CHRM3: variants seen among roughly 807,000 people sequenced by gnomAD.
The protein encoded by CHRM3 is muscarinic acetylcholine receptor M3.
A neutral mutation model predicts 41.8 loss-of-function variants in CHRM3; 11 were observed. The ratio of observed to expected loss-of-function variants is 0.26; its 90% CI spans 0.17 to 0.44. The LOEUF is 0.44. Among genes scored for constraint, CHRM3 ranks in the 20% least tolerant of loss-of-function variants. The probability of loss-of-function intolerance (pLI) is 1.00; values close to 1 mark genes in which losing one functional copy is unlikely to be tolerated. For missense variants in CHRM3, 571 were observed against 745.4 expected, an observed-to-expected ratio of 0.77 and a Z score of 2.72; for synonymous variants, 297 against 301.4, an observed-to-expected ratio of 0.99 and a Z score of 0.15.
At chr1:239,619,916 G>A (rs894429788) in intron 3 of CHRM3, among the ~76,000 whole-genome samples, 4 of 152,106 alleles carry the variant, frequency 2.6e-5, no homozygotes, top group Non-Finnish European at 4.4e-5. Flanking sequence ...AAGGTTACCT[G>A]AAGAAAAGGG....
intron 1 of CHRM3, among the ~76,000 whole-genome samples, chr1:239,443,806 A>G (rs1390383465): frequency 6.6e-6 from 1 of 152,212 alleles, no homozygotes; most frequent in Non-Finnish European, 1.5e-5. Flanking sequence ...TGAAGGGTAG[A>G]TATATCCAAA....
intron 1 of CHRM3, among the ~76,000 whole-genome samples, chr1:239,433,484 T>TTTA (rs1662987738): frequency 6.6e-6 from 1 of 152,164 alleles, no homozygotes; most frequent in Non-Finnish European, 1.5e-5. Context: ...TTGCATAGGT[T>TTTA]TTTGGGGAAC....
At chr1:239,418,172 A>C (rs950242845) in intron 1 of CHRM3, among the ~76,000 whole-genome samples, 1 of 152,228 alleles carries the variant, frequency 6.6e-6, no homozygotes. Context: ...GTCAGATAGC[A>C]TGTGGCCTTC....
intron 1 of CHRM3, among the ~76,000 whole-genome samples, chr1:239,459,887 G>A (rs1237255132): frequency 1.3e-5 from 2 of 152,142 alleles, no homozygotes; most frequent in African/African-American, 4.8e-5. Context: ...TCTCCTAAAA[G>A]TTGTCAACAT....
rs78858039 is a variant in CHRM3 at position 239,909,643 on chromosome 1, A to G, written c.*419A>G. On this transcript the variant is annotated 3_prime_UTR_variant, in exon 7 of 7. Coordinates refer to ENST00000676153, the MANE Select transcript of CHRM3 (RefSeq NM_001375978.1). ...TCCCAAAAGTGGGAATCCAGACCCC[A>G]AGTGGAACACTGCAGGCTTACGAAT... The G allele has an allele frequency of 0.024, 4,266 of 175,706 alleles. 211 individuals carry two copies. The highest frequency in any genetic ancestry group is 0.097 in the African/African-American group (4,056 of 41,644). 10.9% of individuals were successfully genotyped at this position (175,706 alleles called of 1,614,324 possible).
At chr1:239,906,537 C>T (rs1327214095) in intron 6 of CHRM3, among the ~76,000 whole-genome samples, 3 of 151,948 alleles carry the variant, frequency 2.0e-5, no homozygotes, top group Non-Finnish European at 2.9e-5. Context: ...AACAGTGACA[C>T]CAAGGAGGTC....
At chr1:239,635,945 G>A (rs1168353418) in intron 4 of CHRM3, among the ~76,000 whole-genome samples, 3 of 151,972 alleles carry the variant, frequency 2.0e-5, no homozygotes, top group African/African-American at 7.3e-5. Flanking sequence ...GCTTAGATGG[G>A]AAGAAAAAGA....
chr1:239,694,156 T>C (rs1659964854), intron 5 of CHRM3, among the ~76,000 whole-genome samples: 1 of 152,188 alleles, frequency 6.6e-6, no homozygotes. Flanking sequence ...AGTTAGAGCA[T>C]ATTTACATAT....
At chr1:239,416,936 T>C (rs1436763515) in intron 1 of CHRM3, among the ~76,000 whole-genome samples, 1 of 152,166 alleles carries the variant, frequency 6.6e-6, no homozygotes, top group Admixed American at 6.5e-5. Flanking sequence ...AGATGGCCTG[T>C]CAGTTTCATG....
chr1:239,783,603 G>T (rs1668667883), intron 5 of CHRM3, among the ~76,000 whole-genome samples: 1 of 152,152 alleles, frequency 6.6e-6, no homozygotes, highest in South Asian at 2.1e-4. Context: ...TCTAAAGTCT[G>T]AAATGAACAG....
intron 3 of CHRM3, among the ~76,000 whole-genome samples, chr1:239,553,775 G>A (rs989937613): frequency 5.3e-5 from 8 of 151,990 alleles, no homozygotes; most frequent in South Asian, 2.1e-4. Context: ...TATAATTACC[G>A]GTGTTCTATT....
chr1:239,393,053 G>A (rs73114747), intron 1 of CHRM3, among the ~76,000 whole-genome samples: 3,955 of 152,144 alleles, frequency 0.026, 167 homozygotes, highest in African/African-American at 0.087. Flanking sequence ...CCAGGTACTC[G>A]GGAGGCTAAG....
At chr1:239,695,697 A>G (rs1660119737) in intron 5 of CHRM3, among the ~76,000 whole-genome samples, 1 of 152,086 alleles carries the variant, frequency 6.6e-6, no homozygotes, top group Admixed American at 6.5e-5. Flanking sequence ...CAGAGTACTC[A>G]TAATTAGAGG....
intron 6 of CHRM3, among the ~76,000 whole-genome samples, chr1:239,844,702 G>T (rs988931535): frequency 6.6e-6 from 1 of 152,146 alleles, no homozygotes; most frequent in African/African-American, 2.4e-5. Flanking sequence ...CCAATAAGTA[G>T]ACTATTATTA....
chr1:239,669,467 A>C (rs1362968938), intron 4 of CHRM3, among the ~76,000 whole-genome samples: 1 of 152,186 alleles, frequency 6.6e-6, no homozygotes, highest in Non-Finnish European at 1.5e-5. Flanking sequence ...TTGCTCGATG[A>C]AATGGTTAAG....
At chr1:239,643,750 G>C (rs1039618898) in intron 4 of CHRM3, among the ~76,000 whole-genome samples, 1 of 152,144 alleles carries the variant, frequency 6.6e-6, no homozygotes, top group Non-Finnish European at 1.5e-5. Context: ...ACCTGCTTTG[G>C]CTCATGCACG....
intron 3 of CHRM3, among the ~76,000 whole-genome samples, chr1:239,576,417 T>G (rs1189109138): frequency 6.6e-6 from 1 of 152,114 alleles, no homozygotes; most frequent in African/African-American, 2.4e-5. Context: ...TATTAACTAT[T>G]GAACAGTTTG....
intron 6 of CHRM3, among the ~76,000 whole-genome samples, chr1:239,871,188 T>C (rs778921063): frequency 2.6e-5 from 4 of 152,196 alleles, no homozygotes; most frequent in Non-Finnish European, 5.9e-5. Context: ...GGTTGCAAGA[T>C]GGCAGGATGC....
intron 3 of CHRM3, among the ~76,000 whole-genome samples, chr1:239,599,232 A>G: frequency 6.6e-6 from 1 of 152,142 alleles, no homozygotes; most frequent in East Asian, 1.9e-4. Context: ...TGAAATCCAC[A>G]GGACACTTCT....
Sources: allele counts gnomAD v4.1 joint callset (sites outside exome capture counted in the v4.1 genomes callset), GRCh38; gene constraint gnomAD v4.1.1; transcripts MANE v1.5; gene names NCBI Gene and HGNC (gene_info 2026-07-23, HGNC 2026-07-21).